The following LIMK2 variants were observed in gnomAD, a reference collection of about 807,000 sequenced individuals.
LIMK2 encodes LIM domain kinase 2.
In LIMK2, 35 loss-of-function variants were observed where a neutral mutation model predicts 75.7. The ratio of observed to expected loss-of-function variants is 0.46; its 90% confidence interval spans 0.35 to 0.61. LIMK2 has a LOEUF of 0.61. Among genes scored for constraint, LIMK2 ranks in the 20% least tolerant of loss-of-function variants. The pLI, the probability that LIMK2 is intolerant of heterozygous loss-of-function variation, is 0.00. For missense variants in LIMK2, 623 were observed against 831.0 expected, an observed-to-expected ratio of 0.75 and a Z score of 3.08; for synonymous variants, 301 against 319.2, an observed-to-expected ratio of 0.94 and a Z score of 0.61.
At chr22:31,257,377 C>T (rs1601429191) in intron 2 of LIMK2, among the ~76,000 whole-genome samples, 1 of 151,974 alleles carries the variant, frequency 6.6e-6, no homozygotes, top group Non-Finnish European at 1.5e-5. Flanking sequence ...ATATATCTCT[C>T]TCCCTCTATC....
chr22:31,271,138 CTATT>C lies in LIMK2; in HGVS notation c.1322_1325del (p.Tyr441CysfsTer11), dbSNP rs1282245339. ...CTCAGCTCATGCTTCTGTTCCAGGC[CTATT>C]TGCACTCTATGTGCATCATCCACCG... On this transcript the variant is annotated frameshift_variant, in exon 12 of 16. Coordinates refer to ENST00000331728, the MANE Select transcript of LIMK2 (RefSeq NM_005569.4). LOFTEE classifies it high-confidence loss of function. 1 of 1,613,756 alleles carries C rather than the reference CTATT, an allele frequency of 6.2e-7. No individual in the cohort carries two copies. Among genetic ancestry groups the C allele is most frequent in the Non-Finnish European group, 8.5e-7 (1 of 1,179,790 alleles).
chr22:31,250,773 G>T (rs1181428080), intron 2 of LIMK2, among the ~76,000 whole-genome samples: 1 of 152,142 alleles, frequency 6.6e-6, no homozygotes, highest in African/African-American at 2.4e-5. Context: ...ATCCTCAAGG[G>T]CTCCTCTTTG....
chr22:31,235,705 T>C (rs1237543322), intron 2 of LIMK2, among the ~76,000 whole-genome samples: 1 of 152,236 alleles, frequency 6.6e-6, no homozygotes, highest in Non-Finnish European at 1.5e-5. Flanking sequence ...ACTAAAGATA[T>C]ATATTCAATA....
chr22:31,252,808 A>C (rs906426072), intron 2 of LIMK2, among the ~76,000 whole-genome samples: 1 of 152,230 alleles, frequency 6.6e-6, no homozygotes, highest in Non-Finnish European at 1.5e-5. Context: ...TCATAACCCC[A>C]TAAGATATTA....
intron 15 of LIMK2, chr22:31,276,790 G>C (rs1569005371): frequency 1.0e-5 from 16 of 1,597,202 alleles, no homozygotes; most frequent in Non-Finnish European, 1.3e-5. Flanking sequence ...TACTTTCAGA[G>C]CCCCCCCCGG....
At chr22:31,278,025 A>G (rs187935778) in intron 15 of LIMK2, among the ~76,000 whole-genome samples, 77 of 152,126 alleles carry the variant, frequency 5.1e-4, no homozygotes, top group Admixed American at 9.2e-4. Flanking sequence ...TGATAACTGC[A>G]TTTTCTCTAA....
chr22:31,225,656 T>C, intron 1 of LIMK2, 64 bp from the exon 2 acceptor site: 1 of 1,187,980 alleles, frequency 8.4e-7, no homozygotes, highest in Non-Finnish European at 1.2e-6. Flanking sequence ...TTCTACATGG[T>C]AGGAATCCTG....
chr22:31,264,432 A>C (rs2048871193), intron 7 of LIMK2, among the ~76,000 whole-genome samples: 1 of 152,234 alleles, frequency 6.6e-6, no homozygotes, highest in Non-Finnish European at 1.5e-5. Context: ...AGGGCTGTTC[A>C]CCTGCAGTGC....
Position 31,262,590 on chromosome 22 carries a change from C to T in LIMK2, c.658-5C>T. ...GTGGGAGCTTTATACTGCTCTTGGCCACAGGTGGAGGATGCAATTAGCCAG... is the reference window on the plus strand; with the variant it reads ...GTGGGAGCTTTATACTGCTCTTGGCTACAGGTGGAGGATGCAATTAGCCAG... On this transcript the variant is annotated splice_polypyrimidine_tract_variant and splice_region_variant and intron_variant, in intron 6 of 15. Coordinates refer to ENST00000331728, the MANE Select transcript of LIMK2 (RefSeq NM_005569.4). This position sits in a 1 kb window ranked among gnomAD's most constrained non-coding sequence, Gnocchi z 5.0. 1 of 1,607,800 alleles carries T rather than the reference C, an allele frequency of 6.2e-7. No homozygotes were observed. Among genetic ancestry groups the T allele is most frequent in the Non-Finnish European group, 8.5e-7 (1 of 1,175,866 alleles).
At chr22:31,277,452 A>G in intron 15 of LIMK2, 1 of 1,142,096 alleles carries the variant, frequency 8.8e-7, no homozygotes, top group South Asian at 2.6e-5. Context: ...AGCGGTCCAC[A>G]TTAGAGTTGA....
chr22:31,213,394 A>G (rs2048364349), intron 1 of LIMK2, among the ~76,000 whole-genome samples: 1 of 152,008 alleles, frequency 6.6e-6, no homozygotes, highest in Admixed American at 6.6e-5. Flanking sequence ...CAGCGTCCAG[A>G]AGCTTTGGAG....
At chr22:31,235,321 G>A (rs962115363) in intron 2 of LIMK2, among the ~76,000 whole-genome samples, 1 of 152,114 alleles carries the variant, frequency 6.6e-6, no homozygotes, top group Non-Finnish European at 1.5e-5. Flanking sequence ...ACTGTAAATG[G>A]CAAGACGGAA....
intron 1 of LIMK2, among the ~76,000 whole-genome samples, chr22:31,225,074 A>G (rs1326834279): frequency 6.6e-6 from 1 of 152,184 alleles, no homozygotes; most frequent in Non-Finnish European, 1.5e-5. Context: ...AATCTCACTA[A>G]TGGCTGATGA....
At chr22:31,219,451 CAAT>C (rs746922739) in intron 1 of LIMK2, among the ~76,000 whole-genome samples, 1 of 152,142 alleles carries the variant, frequency 6.6e-6, no homozygotes, top group Non-Finnish European at 1.5e-5. Flanking sequence ...CAACAAATTC[CAAT>C]AATAACTGAA....
intron 14 of LIMK2, among the ~76,000 whole-genome samples, chr22:31,274,127 G>A (rs1211553094): frequency 6.6e-6 from 1 of 151,852 alleles, no homozygotes; most frequent in Non-Finnish European, 1.5e-5. Flanking sequence ...TGTTCATGTG[G>A]CTGTCTAGCT....
At position 31,246,179 on chromosome 22, in the gene LIMK2, G is replaced by GCACACACACACACACACACACACA. The variant is rs1341395963; in HGVS notation, c.117-12109_117-12108insACACACACACACACACACACACAC. The stretch of plus-strand genomic sequence containing the variant: ...CAGAGCGAGACTCCGACACACGCAC[G>GCACACACACACACACACACACACA]CACGCACACACACACACACACACAC... On this transcript the variant is annotated intron_variant, in intron 2 of 15. Transcript: ENST00000331728. Among the ~76,000 whole-genome samples, 551 of 69,728 alleles carry GCACACACACACACACACACACACA rather than the reference G, an allele frequency of 7.9e-3. 3 individuals are homozygous for GCACACACACACACACACACACACA. Among genetic ancestry groups the GCACACACACACACACACACACACA allele is most frequent in the Non-Finnish European group, 0.012 (386 of 32,258 alleles). The allele number at this position is 69,728 out of a possible 152,430, so 45.7% of individuals were successfully genotyped here. A position where few individuals can be genotyped will look rare whatever the true frequency, so the allele number is the denominator to read the frequency against.
intron 1 of LIMK2, among the ~76,000 whole-genome samples, chr22:31,216,532 G>A (rs1404775293): frequency 6.6e-6 from 1 of 152,172 alleles, no homozygotes; most frequent in Non-Finnish European, 1.5e-5. Flanking sequence ...CTGGAGGTGG[G>A]TATAGTGGGC....
intron 2 of LIMK2, among the ~76,000 whole-genome samples, chr22:31,229,130 C>A (rs1316033461): frequency 6.6e-6 from 1 of 152,154 alleles, no homozygotes; most frequent in African/African-American, 2.4e-5. Context: ...ACAATCAAGC[C>A]AAATATCATT....
chr22:31,229,079 TG>T (rs2048503527), intron 2 of LIMK2, among the ~76,000 whole-genome samples: 3 of 152,232 alleles, frequency 2.0e-5, no homozygotes, highest in Admixed American at 2.0e-4. Flanking sequence ...TGATCTGATG[TG>T]GAGCCCCAGG....
Sources: allele counts gnomAD v4.1 joint callset (sites outside exome capture counted in the v4.1 genomes callset), GRCh38; gene constraint gnomAD v4.1.1; non-coding constraint Gnocchi (gnomAD v3.1); transcripts MANE v1.5; gene names NCBI Gene and HGNC (gene_info 2026-07-23, HGNC 2026-07-21).